EPN1: variants seen among roughly 807,000 people sequenced by gnomAD.
The protein encoded by EPN1 is epsin 1, also known as epsin-1.
In EPN1, 25 loss-of-function variants were observed where a neutral mutation model predicts 56.9. The ratio of observed to expected loss-of-function variants is 0.44; its 90% CI spans 0.32 to 0.61. The LOEUF (loss-of-function observed/expected upper bound fraction) is 0.61, where lower values mean the gene tolerates loss of function less well. Ranked by LOEUF, EPN1 falls within the 20% of genes least tolerant of loss-of-function variation. The pLI is 0.05. For missense variants in EPN1, 785 were observed against 823.7 expected (o/e 0.95, Z 0.58); for synonymous variants, 411 against 361.8 (o/e 1.14, Z -1.54).
Position 55,699,753 on chromosome 19 carries a change from C to T in EPN1, c.*4397C>T, listed in dbSNP as rs1233313196. ...GGCCTGCCTGCACGTCCTGGGACAGCCCACGCTTCCACAGGGTTCCAGCAT... is the reference window on the plus strand; with the variant it reads ...GGCCTGCCTGCACGTCCTGGGACAGTCCACGCTTCCACAGGGTTCCAGCAT... On this transcript the variant is annotated 3_prime_UTR_variant, in exon 11 of 11. Coordinates refer to ENST00000270460, the MANE Select transcript of EPN1 (RefSeq NM_001130072.2). The T allele has an allele frequency of 1.3e-5, 2 of 152,188 alleles. No homozygotes were observed. Among genetic ancestry groups the T allele is most frequent in the Non-Finnish European group, 2.9e-5 (2 of 68,040 alleles). 9.4% of individuals were successfully genotyped at this position (152,188 alleles called of 1,614,324 possible). A position where few individuals can be genotyped will look rare whatever the true frequency, so the allele number is the denominator to read the frequency against.
At chr19:55,682,175 T>C (rs1397188093) in intron 2 of EPN1, among the ~76,000 whole-genome samples, 1 of 152,194 alleles carries the variant, frequency 6.6e-6, no homozygotes, top group Non-Finnish European at 1.5e-5. Context: ...ACATCATGAA[T>C]GTATAACACA....
rs540614654 is a variant in EPN1, at chr19:55,689,977, TG to T, written c.762+29del. 6.3e-5 allele frequency: 99 copies of T among 1,567,480 alleles called. No homozygotes were observed. In the East Asian group the frequency reaches 2.0e-3, roughly 31 times the overall value. On this transcript the variant is annotated intron_variant, in intron 6 of 10. Transcript: ENST00000270460. The surrounding 1 kb of genome is among the most constrained non-coding windows in gnomAD (Gnocchi z 5.7). ...TGAGCGGGGCTTGTTCTGCCCTCCCTGGCCCCTGCAGGTGTCCGTCCGTCCC... is the reference window on the plus strand; with the variant it reads ...TGAGCGGGGCTTGTTCTGCCCTCCCTGCCCCTGCAGGTGTCCGTCCGTCCC...
intron 6 of EPN1, among the ~76,000 whole-genome samples, chr19:55,690,634 C>A (rs1211192936): frequency 6.6e-6 from 1 of 152,216 alleles, no homozygotes; most frequent in Non-Finnish European, 1.5e-5. Flanking sequence ...CCTCATAGCA[C>A]AGTAGCTGCT....
rs915537436 is a variant in EPN1, at chr19:55,705,538, A to C, written c.*10182A>C. On this transcript the variant is annotated 3_prime_UTR_variant, in exon 11 of 11. Transcript: ENST00000270460. ...GTGGCATGCACCTGTAGTCCCAGCT[A>C]CTCGGGATGCTGAGATGGGAGAATC... The C allele has an allele frequency of 1.3e-5, 2 of 152,060 alleles. No homozygotes were observed. The highest frequency in any genetic ancestry group is 4.8e-5 in the African/African-American group (2 of 41,378). The allele number at this position is 152,060 out of a possible 1,614,324, so 9.4% of individuals were successfully genotyped here. A position where few individuals can be genotyped will look rare whatever the true frequency, so the allele number is the denominator to read the frequency against.
At chr19:55,690,316 G>A (rs557217772) in intron 6 of EPN1, among the ~76,000 whole-genome samples, 2 of 152,362 alleles carry the variant, frequency 1.3e-5, no homozygotes, top group African/African-American at 2.4e-5. Context: ...ACACTTTGTC[G>A]GGCACCTCCT....
intron 3 of EPN1, among the ~76,000 whole-genome samples, chr19:55,687,721 A>G (rs544089879): frequency 3.3e-5 from 5 of 152,178 alleles, no homozygotes; most frequent in East Asian, 1.9e-4. Context: ...AAGTCCGTCA[A>G]TCCCTGCTGG....
chr19:55,692,584 G>T, intron 7 of EPN1, 102 bp from the exon 8 acceptor site: 1 of 735,006 alleles, frequency 1.4e-6, no homozygotes. Context: ...GGGGGCAGGG[G>T]GGCTTTTGTG....
In EPN1 at chr19:55,690,018, C is replaced by T. The variant is rs528550276; in HGVS notation, c.762+68C>T. On this transcript the variant is annotated intron_variant, in intron 6 of 10. Transcript: ENST00000270460. ...CCGTCCGTCCCATCGCTCATTCCTGCGTGGCCAGGTCCCTGGAGCAGAGAC... is the reference window on the plus strand; with the variant it reads ...CCGTCCGTCCCATCGCTCATTCCTGTGTGGCCAGGTCCCTGGAGCAGAGAC... 3.8e-5 allele frequency: 54 copies of T among 1,406,534 alleles called. No individual in the cohort carries two copies. The African/African-American group carries it at 6.2e-4, about 16-fold the overall frequency. The allele number at this position is 1,406,534 out of a possible 1,614,324, so 87.1% of individuals were successfully genotyped here.
chr19:55,695,053 A>C lies in EPN1; in HGVS notation c.1522+70A>C. 1 of 1,590,606 alleles carries C rather than the reference A, an allele frequency of 6.3e-7. No individual in the cohort carries two copies. Among genetic ancestry groups the C allele is most frequent in the Non-Finnish European group, 8.6e-7 (1 of 1,168,528 alleles). On this transcript the variant is annotated intron_variant, in intron 10 of 10. Transcript: ENST00000270460. The surrounding 1 kb of genome is among the most constrained non-coding windows in gnomAD (Gnocchi z 4.4). ...CACCAGAGGAGGTGCCTCACGGGGC[A>C]GGGACACTTCGCCCTTTGCCTGCAC... is the stretch of plus-strand genomic sequence containing the variant.
Position 55,685,389 on chromosome 19 carries a change from C to T in EPN1, c.229-7C>T, listed in dbSNP as rs201482738. On this transcript the variant is annotated splice_region_variant and splice_polypyrimidine_tract_variant and intron_variant, in intron 2 of 10. Transcript: ENST00000270460. ...TGCTGACCGGGCATCCCCGTGCCCG[C>T]TCGCAGGCCATGACGCTGATGGAGT... is the stretch of plus-strand genomic sequence containing the variant. The T allele has an allele frequency of 1.9e-4, 301 of 1,608,726 alleles. No homozygotes were observed. Among genetic ancestry groups the T allele is most frequent in the Non-Finnish European group, 2.3e-4 (271 of 1,178,024 alleles).
intron 2 of EPN1, among the ~76,000 whole-genome samples, chr19:55,683,651 C>T (rs1296545357): frequency 6.6e-6 from 1 of 152,264 alleles, no homozygotes; most frequent in Non-Finnish European, 1.5e-5. Flanking sequence ...CCACACCTGG[C>T]CTCATTTCTC....
At position 55,696,786 on chromosome 19, in the gene EPN1, A is replaced by C. The variant is rs1329091818; in HGVS notation, c.*1430A>C. ...TGCCCACTCCCTGGTGGACAGACCT[A>C]CGTCACCTGGGGATTGCAGAGCAAA... is the stretch of plus-strand genomic sequence containing the variant. On this transcript the variant is annotated 3_prime_UTR_variant, in exon 11 of 11. Coordinates refer to ENST00000270460, the MANE Select transcript of EPN1 (RefSeq NM_001130072.2). 1.3e-5 allele frequency: 2 copies of C among 152,366 alleles called. No individual in the cohort carries two copies. The highest frequency in any genetic ancestry group is 2.4e-5 in the African/African-American group (1 of 41,434). 9.4% of individuals were successfully genotyped at this position (152,366 alleles called of 1,614,324 possible).
chr19:55,686,815 G>GC (rs1986200507), intron 3 of EPN1, among the ~76,000 whole-genome samples: 1 of 152,044 alleles, frequency 6.6e-6, no homozygotes, highest in Non-Finnish European at 1.5e-5. Flanking sequence ...AGGCAGGCAG[G>GC]CAGGTGGGTG....
In EPN1 at chr19:55,694,329, CTG is replaced by C; in HGVS notation, c.1265-396_1265-395del. 1 of 195,700 alleles carries C rather than the reference CTG, an allele frequency of 5.1e-6. No homozygotes were observed. The highest frequency in any genetic ancestry group is 1.9e-4 in the South Asian group (1 of 5,304). The allele number at this position is 195,700 out of a possible 1,614,324, so 12.1% of individuals were successfully genotyped here. A position where few individuals can be genotyped will look rare whatever the true frequency, so the allele number is the denominator to read the frequency against. On this transcript the variant is annotated intron_variant, in intron 9 of 10. Coordinates refer to ENST00000270460, the MANE Select transcript of EPN1 (RefSeq NM_001130072.2). This position sits in a 1 kb window ranked among gnomAD's most constrained non-coding sequence, Gnocchi z 4.2. ...CTGTCTGTCCACTTGGAAGCTCCCT[CTG>C]GGGCTGTGTACTCAAGGAGCGTCTG...
At chr19:55,690,635 A>G (rs536765829) in intron 6 of EPN1, among the ~76,000 whole-genome samples, 1 of 152,264 alleles carries the variant, frequency 6.6e-6, no homozygotes, top group Non-Finnish European at 1.5e-5. Flanking sequence ...CTCATAGCAC[A>G]GTAGCTGCTG....
chr19:55,680,962 A>G (rs1985776577), intron 2 of EPN1, among the ~76,000 whole-genome samples: 1 of 152,236 alleles, frequency 6.6e-6, no homozygotes, highest in Admixed American at 6.5e-5. Flanking sequence ...TGGGTTGTGC[A>G]GGAGCAGTCT....
chr19:55,693,681 C>T (rs1986727400), intron 9 of EPN1, among the ~76,000 whole-genome samples: 1 of 152,176 alleles, frequency 6.6e-6, no homozygotes, highest in African/African-American at 2.4e-5. Flanking sequence ...GCCTTGATCT[C>T]TTATTTTTAT....
chr19:55,680,248 A>G (rs1274730801), intron 2 of EPN1, among the ~76,000 whole-genome samples: 4 of 152,166 alleles, frequency 2.6e-5, no homozygotes, highest in Non-Finnish European at 4.4e-5. Context: ...ACAGATGCAC[A>G]TATTTCATAA....
In EPN1 at chr19:55,708,819, A is replaced by G. The variant is rs1231299330; in HGVS notation, c.*13463A>G. ...CCTCTGAAATCACAGCCCTGCTGCC[A>G]TGATGTGCAATTACAGGATAGAGGT... On this transcript the variant is annotated 3_prime_UTR_variant, in exon 11 of 11. Coordinates refer to ENST00000270460, the MANE Select transcript of EPN1 (RefSeq NM_001130072.2). 2 of 816,990 alleles carry G rather than the reference A, an allele frequency of 2.4e-6. No individual in the cohort carries two copies. The highest frequency in any genetic ancestry group is 3.7e-6 in the Non-Finnish European group (2 of 533,918). The allele number at this position is 816,990 out of a possible 1,614,324, so 50.6% of individuals were successfully genotyped here. A position where few individuals can be genotyped will look rare whatever the true frequency, so the allele number is the denominator to read the frequency against.
Sources: gnomAD v4.1 joint callset for allele counts (sites outside exome capture counted in the v4.1 genomes callset) on GRCh38, gnomAD v4.1.1 for gene constraint, Gnocchi (gnomAD v3.1) non-coding constraint, MANE v1.5 for transcripts, NCBI Gene and HGNC (gene_info 2026-07-23, HGNC 2026-07-21) for gene names.